The following ACSM4 variants were observed in gnomAD, a reference collection of about 807,000 sequenced individuals.
The protein encoded by ACSM4 is acyl-CoA synthetase medium chain family member 4, also known as acyl-coenzyme A synthetase ACSM4, mitochondrial.
Under a neutral mutation model 73.0 loss-of-function variants are expected in ACSM4, and 66 were observed. That is an observed-to-expected ratio of 0.90 (90% CI 0.74 to 1.11). ACSM4 has a LOEUF of 1.11. ACSM4 is among the 50% of genes least tolerant of loss of function. The pLI, the probability that ACSM4 is intolerant of heterozygous loss-of-function variation, is 0.00. For missense variants in ACSM4, 645 were observed against 714.4 expected (o/e 0.90, Z 1.11); for synonymous variants, 222 against 254.0 (o/e 0.87, Z 1.20).
chr12:7,317,419 C>T, intron 4 of ACSM4, 139 bp downstream of exon 4: 1 of 1,199,758 alleles, frequency 8.3e-7, no homozygotes, highest in Admixed American at 3.3e-5. Flanking sequence ...CTCTTGCTGG[C>T]CCCGCCCAAC....
At position 7,306,536 on chromosome 12, in the gene ACSM4, G is replaced by T; in HGVS notation, c.205G>T (p.Gly69Trp). Residue 69 changes from glycine to tryptophan, a missense_variant, in exon 2 of 13, where the codon GGG (glycine) becomes TGG (tryptophan). Transcript: ENST00000399422. ...TTTTCCATGTGTCCCTGGTCAGACA[G>T]GGGAGAGACCAGCTAACCCAGCCCT... is the stretch of plus-strand genomic sequence containing the variant. The part of the protein sequence containing the change: ...LDQWSQKEKT[G>W]ERPANPALWW... The T allele has an allele frequency of 6.3e-7, 1 of 1,590,452 alleles. No individual in the cohort carries two copies. The highest frequency in any genetic ancestry group is 1.1e-5 in the South Asian group (1 of 87,142).
In ACSM4 at chr12:7,327,024, C is replaced by A; in HGVS notation, c.1585C>A (p.Pro529Thr). The A allele has an allele frequency of 6.2e-7, 1 of 1,612,646 alleles. No individual in the cohort carries two copies. The highest frequency in any genetic ancestry group is 8.5e-7 in the Non-Finnish European group (1 of 1,179,394). The change falls in exon 12 of 13, where the codon CCA becomes ACA. Residue 529 changes from proline to threonine, a missense_variant. Transcript: ENST00000399422. ...VLAAPFKSYN[P>T]EKLTLELQDH... is the part of the protein sequence containing the mutation. ...AGCTGCACCCTTTAAGTCCTACAAC[C>A]CAGAGAAATTAACTCTTGAACTTCA...
chr12:7,321,781 C>T (rs183826327), intron 6 of ACSM4, among the ~76,000 whole-genome samples: 3 of 152,308 alleles, frequency 2.0e-5, no homozygotes, highest in South Asian at 2.1e-4. Flanking sequence ...TTACTAATCA[C>T]GTGGCCTTGG....
intron 11 of ACSM4, 103 bp downstream of exon 11, chr12:7,324,701 C>T: frequency 2.3e-6 from 3 of 1,297,214 alleles, no homozygotes; most frequent in Non-Finnish European, 3.2e-6. Flanking sequence ...TATTAATTCT[C>T]GTTATGAAGC....
chr12:7,323,515 CA>C lies in ACSM4; in HGVS notation c.1264del (p.Arg422AspfsTer25). ...PPGKEGEIALRLKPTRPFCFF... is the reference protein window; with the variant it reads ...PPGKEGEIALXLKPTRPFCFF... ...CTGGCAAAGAAGGGGAAATTGCCCTCAGACTCAAACCTACACGGCCCTTCTG... is the reference window on the plus strand; with the variant it reads ...CTGGCAAAGAAGGGGAAATTGCCCTCGACTCAAACCTACACGGCCCTTCTG... On this transcript the variant is annotated frameshift_variant, in exon 9 of 13. Coordinates refer to ENST00000399422, the MANE Select transcript of ACSM4 (RefSeq NM_001080454.2). LOFTEE classifies it high-confidence loss of function. The C allele has an allele frequency of 6.2e-7, 1 of 1,613,872 alleles. No individual in the cohort carries two copies. Among genetic ancestry groups the C allele is most frequent in the Non-Finnish European group, 8.5e-7 (1 of 1,179,838 alleles).
At chr12:7,320,872 T>C in intron 6 of ACSM4, 68 bp downstream of exon 6, 2 of 1,345,392 alleles carry the variant, frequency 1.5e-6, no homozygotes, top group Non-Finnish European at 2.1e-6. Flanking sequence ...AGATCTCTCT[T>C]TTTCAGCATA....
Position 7,310,628 on chromosome 12 carries a change from A to T in ACSM4, c.502A>T (p.Ser168Cys). The change falls in exon 3 of 13, where the codon AGT becomes TGT. Residue 168 changes from serine to cysteine, a missense_variant. By Grantham distance (112) the Ser-to-Cys change is moderately radical. Coordinates refer to ENST00000399422, the MANE Select transcript of ACSM4 (RefSeq NM_001080454.2). ...RASKAKCIVA[S>C]EEVAPAVESI... is the part of the protein sequence containing the mutation. ...ATCCAAGGCCAAGTGCATTGTGGCCAGTGAGGAGGTGGCCCCAGCGGTGGA... is the reference window on the plus strand; with the variant it reads ...ATCCAAGGCCAAGTGCATTGTGGCCTGTGAGGAGGTGGCCCCAGCGGTGGA... 1 of 1,613,328 alleles carries T rather than the reference A, an allele frequency of 6.2e-7. No individual in the cohort carries two copies. The highest frequency in any genetic ancestry group is 8.5e-7 in the Non-Finnish European group (1 of 1,179,656).
At chr12:7,306,244 C>A (rs1422978764) in intron 1 of ACSM4, among the ~76,000 whole-genome samples, 1 of 152,124 alleles carries the variant, frequency 6.6e-6, no homozygotes, top group Non-Finnish European at 1.5e-5. Context: ...CATTTTCTAT[C>A]TTTTGATTTC....
At chr12:7,306,440 A>G in intron 1 of ACSM4, 93 bp from the exon 2 acceptor site, 2 of 1,233,094 alleles carry the variant, frequency 1.6e-6, no homozygotes, top group South Asian at 1.4e-5. Context: ...ATGCACCAGA[A>G]CCAGTGCCAA....
In ACSM4 at chr12:7,304,490, C is replaced by T. The variant is rs1473387897; in HGVS notation, c.159C>T (p.Asn53=). ...ACAGGCCATTGCCTAAAAACTTTAA[C>T]TTTGCTGCAGATGTGCTGGACCAGT... ...RCNRPLPKNF[N]FAADVLDQWS... is the part of the protein sequence containing the mutation. The change falls in exon 1 of 13, where the codon AAC becomes AAT. Residue 53 remains asparagine, a synonymous_variant. Coordinates refer to ENST00000399422, the MANE Select transcript of ACSM4 (RefSeq NM_001080454.2). 6.2e-7 allele frequency: 1 copy of T among 1,613,922 alleles called. No individual in the cohort carries two copies. Among genetic ancestry groups the T allele is most frequent in the Admixed American group, 1.7e-5 (1 of 60,030 alleles).
At chr12:7,317,336 C>T (rs1946428692) in intron 4 of ACSM4, 56 bp downstream of exon 4, 4 of 1,491,290 alleles carry the variant, frequency 2.7e-6, no homozygotes, top group Non-Finnish European at 3.6e-6. Context: ...TGCGAATATG[C>T]GTATCCAACT....
rs1484321147 is a variant in ACSM4 at position 7,310,546 on chromosome 12, C to G, written c.420C>G (p.Ile140Met). The G allele has an allele frequency of 6.2e-7, 1 of 1,604,762 alleles. No individual in the cohort carries two copies. The highest frequency in any genetic ancestry group is 1.3e-5 in the African/African-American group (1 of 74,740). ...VNVACIRTGI[I>M]FMPGTIQLTA... ...GCCCTCTGTCCTTCCCAGGGATCAT[C>G]TTCATGCCGGGAACAATCCAGCTGA... Residue 140 changes from isoleucine to methionine, a missense_variant, in exon 3 of 13, where the codon ATC (isoleucine) becomes ATG (methionine). Transcript: ENST00000399422.
chr12:7,306,596 T>C lies in ACSM4; in HGVS notation c.265T>C (p.Trp89Arg), dbSNP rs369903607. 2.5e-5 allele frequency: 40 copies of C among 1,602,350 alleles called. No individual in the cohort carries two copies. The African/African-American group carries it at 5.0e-4, about 20-fold the overall frequency. The change falls in exon 2 of 13, where the codon TGG (tryptophan) becomes CGG (arginine). Residue 89 changes from tryptophan to arginine, a missense_variant. Transcript: ENST00000399422. ...WVNGKGDEVK[W>R]SFRELGSLSR... ...GAATGGCAAAGGGGATGAGGTAAAA[T>C]GGAGCTTCAGAGAACTGGGCTCCTT...
At chr12:7,308,978 G>A (rs1946375390) in intron 2 of ACSM4, among the ~76,000 whole-genome samples, 1 of 152,128 alleles carries the variant, frequency 6.6e-6, no homozygotes, top group Admixed American at 6.6e-5. Flanking sequence ...TTTATATACT[G>A]GGATTAATTT....
Position 7,310,751 on chromosome 12 carries a change from G to A in ACSM4, c.620+5G>A, listed in dbSNP as rs777008213. The A allele has an allele frequency of 3.1e-5, 49 of 1,606,254 alleles. 1 individual carries two copies. In the South Asian group the frequency reaches 5.1e-4, roughly 17 times the overall value. On this transcript the variant is annotated splice_donor_5th_base_variant and intron_variant, in intron 3 of 12. Coordinates refer to ENST00000399422, the MANE Select transcript of ACSM4 (RefSeq NM_001080454.2). ...CAGCTTCCAGGAGTTATTTCAGTGA[G>A]TATTTTTCCCAGCCAATCTACACTG...
At chr12:7,320,044 AG>A (rs1192929416) in intron 5 of ACSM4, among the ~76,000 whole-genome samples, 3 of 152,234 alleles carry the variant, frequency 2.0e-5, no homozygotes, top group African/African-American at 7.2e-5. Flanking sequence ...CAGGCAGCCC[AG>A]ACATACATTT....
intron 4 of ACSM4, 113 bp from the exon 5 acceptor site, chr12:7,317,913 C>T (rs1048985322): frequency 4.3e-6 from 5 of 1,158,860 alleles, no homozygotes; most frequent in Non-Finnish European, 5.9e-6. Flanking sequence ...CTTCTTTTGA[C>T]CCTTCTCTGT....
chr12:7,319,921 A>G (rs939260167), intron 5 of ACSM4, among the ~76,000 whole-genome samples: 4 of 152,226 alleles, frequency 2.6e-5, no homozygotes, highest in Admixed American at 2.6e-4. Flanking sequence ...GATTTATGCT[A>G]TTTTTAGGTG....
intron 3 of ACSM4, among the ~76,000 whole-genome samples, chr12:7,313,102 T>C (rs149169526): frequency 1.3e-5 from 2 of 152,276 alleles, no homozygotes; most frequent in African/African-American, 4.8e-5. Flanking sequence ...AATTCTTCTT[T>C]TTTCTTCTCT....
Sources: allele counts gnomAD v4.1 joint callset (sites outside exome capture counted in the v4.1 genomes callset), GRCh38; gene constraint gnomAD v4.1.1; transcripts MANE v1.5; gene names NCBI Gene and HGNC (gene_info 2026-07-23, HGNC 2026-07-21).